The following FBH1 variants were observed in gnomAD, a reference collection of about 807,000 sequenced individuals.
FBH1 encodes the protein F-box DNA helicase 1, also known as DNA 3'-5' helicase 1.
Under a neutral mutation model 115.5 loss-of-function variants are expected in FBH1, and 43 were observed. That is an observed-to-expected ratio of 0.37 (90% CI 0.29 to 0.48). The LOEUF is 0.48. FBH1 is among the 20% of genes least tolerant of loss of function. FBH1 has a pLI of 0.99. For synonymous variants in FBH1, 524 were observed against 507.8 expected (o/e 1.03, Z -0.43); for missense variants, 1,001 against 1,337.3 (o/e 0.75, Z 3.92).
At chr10:5,926,820 T>G (rs1832679540) in intron 18 of FBH1, among the ~76,000 whole-genome samples, 1 of 152,220 alleles carries the variant, frequency 6.6e-6, no homozygotes, top group Non-Finnish European at 1.5e-5. Flanking sequence ...TTGCACGGCC[T>G]CGGGTCTGCT....
At position 5,933,515 on chromosome 10, in the gene FBH1, A is replaced by G. The variant is rs747235387; in HGVS notation, c.2830-2941A>G. On this transcript the variant is annotated intron_variant, in intron 19 of 20. Coordinates refer to ENST00000362091, the MANE Select transcript of FBH1 (RefSeq NM_178150.3). The surrounding 1 kb of genome is among the most constrained non-coding windows in gnomAD (Gnocchi z 4.9). ...ACAGAATCTAGAGAAATACTTCCCC[A>G]TTACTGAGACTGGGGTGGGCTGTCT... Among the ~76,000 whole-genome samples the G allele has an allele frequency of 7.9e-5, 12 of 152,218 alleles. No homozygotes were observed. The highest frequency in any genetic ancestry group is 1.5e-4 in the Non-Finnish European group (10 of 68,040).
At position 5,906,070 on chromosome 10, in the gene FBH1, TC is replaced by T. The variant is rs780958035; in HGVS notation, c.193del (p.Leu65Ter). 123 of 1,611,294 alleles carry T rather than the reference TC, an allele frequency of 7.6e-5. 2 individuals are homozygous for T. The East Asian group carries it at 2.7e-3, about 36-fold the overall frequency. ...QGSQRCIPEF[F>X]LAGKQPCTND... ...AGTCAAAGATGCATCCCTGAGTTCT[TC>T]CTAGCAGGCAAGCAGCCGTGCACCA... On this transcript the variant is annotated frameshift_variant, in exon 3 of 21. Coordinates refer to ENST00000362091, the MANE Select transcript of FBH1 (RefSeq NM_178150.3). LOFTEE classifies it high-confidence loss of function. The surrounding 1 kb of genome is among the most constrained non-coding windows in gnomAD (Gnocchi z 7.3).
Position 5,909,171 on chromosome 10 carries a change from C to A in FBH1, c.897C>A (p.Thr299=). Reference sequence around the variant, plus strand: ...GAATGTCTTACAGATACACAGCCACCACTAAGTGCTCTCCGAGTGTGGATC... The same window carrying A: ...GAATGTCTTACAGATACACAGCCACAACTAAGTGCTCTCCGAGTGTGGATC... ...CVLNLIRYTA[T]TKCSPSVDPE... is the part of the protein sequence containing the mutation. Residue 299 remains threonine, a synonymous_variant, in exon 5 of 21, where the codon ACC becomes ACA. Transcript: ENST00000362091. This position sits in a 1 kb window ranked among gnomAD's most constrained non-coding sequence, Gnocchi z 4.4. The A allele has an allele frequency of 4.3e-6, 7 of 1,613,736 alleles. No individual in the cohort carries two copies. The highest frequency in any genetic ancestry group is 5.9e-6 in the Non-Finnish European group (7 of 1,180,000).
chr10:5,925,381 A>G lies in FBH1; in HGVS notation c.2611A>G (p.Thr871Ala), dbSNP rs1321421812. 5 of 1,614,164 alleles carry G rather than the reference A, an allele frequency of 3.1e-6. No homozygotes were observed. Among genetic ancestry groups the G allele is most frequent in the Non-Finnish European group, 3.4e-6 (4 of 1,180,024 alleles). The change falls in exon 18 of 21, where the codon ACT becomes GCT. Residue 871 changes from threonine (T) to alanine (A), a missense_variant. By Grantham distance (58) the Thr-to-Ala change is moderately conservative. Around this residue, in one of 4 missense-constraint regions of FBH1, gnomAD observed 521 missense variants for 811.0 expected, o/e 0.64. Coordinates refer to ENST00000362091, the MANE Select transcript of FBH1 (RefSeq NM_178150.3). This position sits in a 1 kb window ranked among gnomAD's most constrained non-coding sequence, Gnocchi z 4.6. ...DLDFAEYILG[T>A]VHKAKGLEFD... ...TTTTATCCTAGAGTACATTCTGGGC[A>G]CTGTGCACAAAGCCAAAGGCCTGGA...
Position 5,914,176 on chromosome 10 carries a change from A to G in FBH1, c.1305-2A>G. ...CTTACTTCTCTTTTGTAATGATTAT[A>G]GCAAGAAAACCATCCAACTTACACA... On this transcript the variant is annotated splice_acceptor_variant, in intron 7 of 20. Coordinates refer to ENST00000362091, the MANE Select transcript of FBH1 (RefSeq NM_178150.3). LOFTEE classifies it high-confidence loss of function. The surrounding 1 kb of genome is among the most constrained non-coding windows in gnomAD (Gnocchi z 5.2). 2 of 1,613,908 alleles carry G rather than the reference A, an allele frequency of 1.2e-6. No homozygotes were observed. The highest frequency in any genetic ancestry group is 1.7e-6 in the Non-Finnish European group (2 of 1,179,770).
At position 5,895,964 on chromosome 10, in the gene FBH1, C is replaced by T. The variant is rs1589044982; in HGVS notation, c.1+5618C>T. Among the ~76,000 whole-genome samples, 1 of 152,138 alleles carries T rather than the reference C, an allele frequency of 6.6e-6. No homozygotes were observed. The highest frequency in any genetic ancestry group is 1.5e-5 in the Non-Finnish European group (1 of 68,036). Reference sequence around the variant, plus strand: ...ATTCTTTGCAGCAAAACCTGAAACACTCAGTTTCACTTTCTGTGACTTGTT... The same window carrying T: ...ATTCTTTGCAGCAAAACCTGAAACATTCAGTTTCACTTTCTGTGACTTGTT... On this transcript the variant is annotated intron_variant, in intron 1 of 20. Transcript: ENST00000362091. This position sits in a 1 kb window ranked among gnomAD's most constrained non-coding sequence, Gnocchi z 5.0.
chr10:5,905,875 T>G (rs1312092537), intron 2 of FBH1, among the ~76,000 whole-genome samples, 162 bp from the exon 3 acceptor site: 1 of 152,222 alleles, frequency 6.6e-6, no homozygotes, highest in Non-Finnish European at 1.5e-5. Context: ...ATAAATATTG[T>G]TTGGATTAGT....
At position 5,903,181 on chromosome 10, in the gene FBH1, TCTC is replaced by T; in HGVS notation, c.157+10_157+12del. The T allele has an allele frequency of 6.2e-7, 1 of 1,600,636 alleles. No homozygotes were observed. Among genetic ancestry groups the T allele is most frequent in the Non-Finnish European group, 8.5e-7 (1 of 1,172,786 alleles). ...AACAAAAAGAGGGAGTAGGGGTATG[TCTC>T]CTCTAAAACTCTTGCATTTCAAAAC... is the stretch of plus-strand genomic sequence containing the variant. On this transcript the variant is annotated splice_region_variant and intron_variant, in intron 2 of 20. Coordinates refer to ENST00000362091, the MANE Select transcript of FBH1 (RefSeq NM_178150.3).
intron 2 of FBH1, among the ~76,000 whole-genome samples, chr10:5,903,619 G>A (rs994472752): frequency 9.2e-5 from 14 of 151,934 alleles, no homozygotes; most frequent in East Asian, 1.9e-4. Flanking sequence ...GTGAGCCACC[G>A]CGCCCCGCCG....
In FBH1 at chr10:5,915,356, GTCTTGTCTGGTCAGA is replaced by G; in HGVS notation, c.1397-46_1397-32del. 6.2e-7 allele frequency: 1 copy of G among 1,603,398 alleles called. No homozygotes were observed. Among genetic ancestry groups the G allele is most frequent in the Non-Finnish European group, 8.5e-7 (1 of 1,173,280 alleles). Reference sequence around the variant, plus strand: ...GGCCTGATTGGGGATCCCTGGGCATGTCTTGTCTGGTCAGAGGGTCACCTCCTTTCCTCCTGGCTT... The same window carrying G: ...GGCCTGATTGGGGATCCCTGGGCATGGGGTCACCTCCTTTCCTCCTGGCTT... On this transcript the variant is annotated intron_variant, in intron 8 of 20. Coordinates refer to ENST00000362091, the MANE Select transcript of FBH1 (RefSeq NM_178150.3). This position sits in a 1 kb window ranked among gnomAD's most constrained non-coding sequence, Gnocchi z 5.2.
rs1258742873 is a variant in FBH1, at chr10:5,917,693, G to A, written c.1963+17G>A. The A allele has an allele frequency of 1.3e-6, 2 of 1,598,148 alleles. No individual in the cohort carries two copies. Among genetic ancestry groups the A allele is most frequent in the Non-Finnish European group, 1.7e-6 (2 of 1,166,556 alleles). On this transcript the variant is annotated intron_variant, in intron 12 of 20. Transcript: ENST00000362091. This position sits in a 1 kb window ranked among gnomAD's most constrained non-coding sequence, Gnocchi z 5.6. ...GCACACCAGGTGATACACTGTTCAG[G>A]ACATCAGTAGTGTCAAATACGTAGA...
rs1202830466 is a variant in FBH1 at position 5,931,896 on chromosome 10, C to T, written c.2829+4355C>T. Among the ~76,000 whole-genome samples the T allele has an allele frequency of 2.0e-5, 3 of 152,190 alleles. No individual in the cohort carries two copies. The highest frequency in any genetic ancestry group is 4.4e-5 in the Non-Finnish European group (3 of 68,038). On this transcript the variant is annotated intron_variant, in intron 19 of 20. Coordinates refer to ENST00000362091, the MANE Select transcript of FBH1 (RefSeq NM_178150.3). This position sits in a 1 kb window ranked among gnomAD's most constrained non-coding sequence, Gnocchi z 4.3. ...CAGTGGCTCACCCCTGTAATCCCAG[C>T]ACTTTGCGGGGCTGAGGCAGACAGG...
chr10:5,906,529 G>A lies in FBH1; in HGVS notation c.650G>A (p.Ser217Asn). The A allele has an allele frequency of 6.2e-7, 1 of 1,614,172 alleles. No individual in the cohort carries two copies. Among genetic ancestry groups the A allele is most frequent in the Non-Finnish European group, 8.5e-7 (1 of 1,180,042 alleles). Residue 217 changes from serine to asparagine, a missense_variant, in exon 3 of 21, where the codon AGT (serine) becomes AAT (asparagine). Physicochemically the swap from Ser to Asn is conservative, Grantham distance 46. Transcript: ENST00000362091. This position sits in a 1 kb window ranked among gnomAD's most constrained non-coding sequence, Gnocchi z 7.3. ...EALSHICSLP[S>N]EVLRHVFAFL... ...CTGAGCCACATTTGCAGCCTGCCTA[G>A]TGAGGTCCTGAGGCACGTGTTTGCC...
At position 5,911,186 on chromosome 10, in the gene FBH1, G is replaced by A; in HGVS notation, c.1211+58G>A. ...TGATAATGGGAGAGTCCCAGACACA[G>A]CAGCAGGTCCAGCCCTGCCACTTAG... On this transcript the variant is annotated intron_variant, in intron 6 of 20. Coordinates refer to ENST00000362091, the MANE Select transcript of FBH1 (RefSeq NM_178150.3). The surrounding 1 kb of genome is among the most constrained non-coding windows in gnomAD (Gnocchi z 5.4). 1.3e-6 allele frequency: 2 copies of A among 1,525,444 alleles called. No individual in the cohort carries two copies. Among genetic ancestry groups the A allele is most frequent in the South Asian group, 1.2e-5 (1 of 82,164 alleles). 94.5% of individuals were successfully genotyped at this position (1,525,444 alleles called of 1,614,324 possible).
intron 18 of FBH1, 57 bp from the exon 19 acceptor site, chr10:5,927,378 T>G (rs1832717585): frequency 7.6e-7 from 1 of 1,317,854 alleles, no homozygotes; most frequent in Non-Finnish European, 1.1e-6. Flanking sequence ...AGACATAAGG[T>G]TTTGTAAGCT....
chr10:5,916,478 G>A (rs751603951), intron 10 of FBH1, 22 bp downstream of exon 10: 3 of 1,609,380 alleles, frequency 1.9e-6, no homozygotes, highest in East Asian at 2.2e-5. Context: ...AGTGTCTGAA[G>A]TGTTAGGGAT....
chr10:5,921,130 C>T lies in FBH1; in HGVS notation c.2101-128C>T, dbSNP rs190011923. The T allele has an allele frequency of 3.8e-5, 28 of 737,442 alleles. No homozygotes were observed. The highest frequency in any genetic ancestry group is 8.9e-5 in the African/African-American group (5 of 56,140). 45.7% of individuals were successfully genotyped at this position (737,442 alleles called of 1,614,324 possible). ...ACCTTGAAAGTGAGCCTGTGAAGTT[C>T]GCTTTCCATGCGGGGGGTCAGGAAC... On this transcript the variant is annotated intron_variant, in intron 13 of 20. Coordinates refer to ENST00000362091, the MANE Select transcript of FBH1 (RefSeq NM_178150.3). The surrounding 1 kb of genome is among the most constrained non-coding windows in gnomAD (Gnocchi z 6.4).
Position 5,924,604 on chromosome 10 carries a change from G to A in FBH1, c.2596+96G>A. 2.3e-6 allele frequency: 3 copies of A among 1,289,988 alleles called. No homozygotes were observed. The highest frequency in any genetic ancestry group is 3.3e-6 in the Non-Finnish European group (3 of 920,874). 79.9% of individuals were successfully genotyped at this position (1,289,988 alleles called of 1,614,324 possible). A position where few individuals can be genotyped will look rare whatever the true frequency, so the allele number is the denominator to read the frequency against. On this transcript the variant is annotated intron_variant, in intron 17 of 20. Coordinates refer to ENST00000362091, the MANE Select transcript of FBH1 (RefSeq NM_178150.3). This position sits in a 1 kb window ranked among gnomAD's most constrained non-coding sequence, Gnocchi z 6.2. ...TTTTTTTGAGACAGAGTATTGCTCTGTTGCCCAGGCTGGAGTGCAGTGGCG... is the reference window on the plus strand; with the variant it reads ...TTTTTTTGAGACAGAGTATTGCTCTATTGCCCAGGCTGGAGTGCAGTGGCG...
At chr10:5,902,409 T>C (rs1843402288) in intron 1 of FBH1, among the ~76,000 whole-genome samples, 2 of 152,248 alleles carry the variant, frequency 1.3e-5, no homozygotes, top group Admixed American at 6.5e-5. Flanking sequence ...TAAATACTTT[T>C]GATTATAATA....
Sources: gnomAD v4.1 joint callset for allele counts (sites outside exome capture counted in the v4.1 genomes callset) on GRCh38, gnomAD v4.1.1 for gene constraint, gnomAD v4.1.1 regional missense constraint, Gnocchi (gnomAD v3.1) non-coding constraint, MANE v1.5 for transcripts, NCBI Gene and HGNC (gene_info 2026-07-23, HGNC 2026-07-21) for gene names.